Variants in MEGF10 observed in about 807,000 individuals in gnomAD.
The protein encoded by MEGF10 is multiple epidermal growth factor-like domains protein 10.
In MEGF10, 86 loss-of-function variants were observed where a neutral mutation model predicts 147.5. The ratio of observed to expected loss-of-function variants is 0.58; its 90% CI spans 0.49 to 0.70. The LOEUF is 0.70. Ranked by LOEUF, MEGF10 falls within the 30% of genes least tolerant of loss-of-function variation. The probability of loss-of-function intolerance (pLI) is 0.00; values close to 1 mark genes in which losing one functional copy is unlikely to be tolerated. For missense variants in MEGF10, 1,329 were observed against 1,487.3 expected (o/e 0.89, Z 1.75); for synonymous variants, 478 against 525.5 (o/e 0.91, Z 1.24).
the MEGF10 span, among the ~76,000 whole-genome samples, chr5:127,278,174 A>G: frequency 1.3e-5 from 2 of 152,212 alleles, no homozygotes; most frequent in Non-Finnish European, 2.9e-5. Flanking sequence ...AAACCAACAA[A>G]GGTAACACAG....
chr5:127,444,532 A>G (rs1371095679), intron 19 of MEGF10: 1 of 152,196 alleles, frequency 6.6e-6, no homozygotes, highest in African/African-American at 2.4e-5. Context: ...CTCTTTTCTC[A>G]TTTATAGATG....
At chr5:127,436,359 A>G (rs890271797) in intron 16 of MEGF10, among the ~76,000 whole-genome samples, 2 of 152,188 alleles carry the variant, frequency 1.3e-5, no homozygotes, top group African/African-American at 4.8e-5. Flanking sequence ...AATTTTTTCC[A>G]TAAGTAGTCC....
At chr5:127,384,271 T>C (rs1561609490) in intron 5 of MEGF10, among the ~76,000 whole-genome samples, 1 of 152,224 alleles carries the variant, frequency 6.6e-6, no homozygotes, top group Non-Finnish European at 1.5e-5. Flanking sequence ...AAGTGCTCAA[T>C]AAATAGAACT....
intron 1 of MEGF10, among the ~76,000 whole-genome samples, chr5:127,308,839 C>A (rs147394424): frequency 3.7e-4 from 56 of 151,352 alleles, no homozygotes; most frequent in Middle Eastern, 3.4e-3. Flanking sequence ...GTTGTGCACA[C>A]GTACCCTAAA....
chr5:127,362,289 T>C (rs971207506), intron 4 of MEGF10, among the ~76,000 whole-genome samples: 18 of 150,660 alleles, frequency 1.2e-4, no homozygotes, highest in Non-Finnish European at 1.8e-4. Context: ...CATTTGATAT[T>C]AATATAGCTA....
In MEGF10 at chr5:127,395,641, T is replaced by C. The variant is rs566314885; in HGVS notation, c.413-891T>C. Among the ~76,000 whole-genome samples the C allele has an allele frequency of 3.2e-4, 48 of 148,800 alleles. 3 individuals are homozygous for C. In the South Asian group the frequency reaches 0.01, roughly 32 times the overall value. On this transcript the variant is annotated intron_variant, in intron 5 of 24. Transcript: ENST00000503335. ...CTCACTGCCAGCTCCGCCTCCCGGG[T>C]TCACGCCATTCTCCTGCCTCAGCCT...
intron 5 of MEGF10, among the ~76,000 whole-genome samples, chr5:127,391,050 T>C (rs1763639846): frequency 6.6e-6 from 1 of 151,298 alleles, no homozygotes; most frequent in African/African-American, 2.4e-5. Context: ...TATGAACGGT[T>C]ATTGTCTTTA....
rs1179470008 is a variant in MEGF10 at position 127,455,603 on chromosome 5, A to C, written c.3228A>C (p.Glu1076Asp). 6.2e-7 allele frequency: 1 copy of C among 1,613,988 alleles called. No individual in the cohort carries two copies. The highest frequency in any genetic ancestry group is 2.2e-5 in the East Asian group (1 of 44,864). The change falls in exon 24 of 25, where the codon GAA becomes GAC. Residue 1076 changes from glutamate (E) to aspartate (D), a missense_variant. Transcript: ENST00000503335. ...CTTCAGCCAACAGGAATGTCTATGA[A>C]GTTGGTGAGTTCCCTTAACCATAGA... The part of the protein sequence containing the change: ...NSTSANRNVY[E>D]VEPTVSVVQG...
chr5:127,391,096 G>GCA (rs1413153325), intron 5 of MEGF10, among the ~76,000 whole-genome samples: 2 of 29,364 alleles, frequency 6.8e-5, no homozygotes, highest in African/African-American at 1.4e-4. Flanking sequence ...ATGCGCGCGC[G>GCA]CGCGCGCACA....
At chr5:127,264,875 T>C in the MEGF10 span, among the ~76,000 whole-genome samples, 1 of 152,148 alleles carries the variant, frequency 6.6e-6, no homozygotes, top group Non-Finnish European at 1.5e-5. Flanking sequence ...TAGGTAAACG[T>C]GTGCCATGGT....
intron 2 of MEGF10, among the ~76,000 whole-genome samples, chr5:127,333,270 C>T (rs771662745): frequency 4.6e-5 from 7 of 152,092 alleles, no homozygotes; most frequent in Non-Finnish European, 7.3e-5. Context: ...AATCCCAGCA[C>T]ATTGGGAGGC....
At chr5:127,342,591 T>G (rs1761727836) in intron 4 of MEGF10, among the ~76,000 whole-genome samples, 1 of 152,162 alleles carries the variant, frequency 6.6e-6, no homozygotes, top group African/African-American at 2.4e-5. Context: ...CAATGTTTCC[T>G]GGCATCAGCC....
chr5:127,303,229 G>T (rs908884139), intron 1 of MEGF10, among the ~76,000 whole-genome samples: 1 of 151,806 alleles, frequency 6.6e-6, no homozygotes, highest in Non-Finnish European at 1.5e-5. Flanking sequence ...CCAGCTACTC[G>T]GGAGGCTGAG....
intron 5 of MEGF10, among the ~76,000 whole-genome samples, chr5:127,373,969 T>C (rs184267816): frequency 9.2e-5 from 14 of 152,288 alleles, no homozygotes; most frequent in Admixed American, 7.2e-4. Context: ...TATAGGACTT[T>C]GGAAAAAACT....
At chr5:127,393,533 ATT>A (rs797006474) in intron 5 of MEGF10, among the ~76,000 whole-genome samples, 97 of 152,290 alleles carry the variant, frequency 6.4e-4, no homozygotes, top group African/African-American at 2.3e-3. Context: ...TCTTATACCT[ATT>A]TGTCTGTAAA....
At chr5:127,415,738 T>C (rs1764738087) in intron 9 of MEGF10, among the ~76,000 whole-genome samples, 1 of 151,758 alleles carries the variant, frequency 6.6e-6, no homozygotes, top group Non-Finnish European at 1.5e-5. Flanking sequence ...ATTCCATCTC[T>C]ACTAAAAATA....
rs988482084 is a variant in MEGF10 at position 127,435,628 on chromosome 5, T to G, written c.2104+139T>G. 5.5e-6 allele frequency: 5 copies of G among 902,874 alleles called. No homozygotes were observed. The African/African-American group carries it at 8.8e-5, about 16-fold the overall frequency. 55.9% of individuals were successfully genotyped at this position (902,874 alleles called of 1,614,324 possible). A position where few individuals can be genotyped will look rare whatever the true frequency, so the allele number is the denominator to read the frequency against. ...AAAAGACACATTCTACTTTAAATTC[T>G]TTTTTTAAAATTCTTTTTTTTTTTC... On this transcript the variant is annotated intron_variant, in intron 16 of 24. Coordinates refer to ENST00000503335, the MANE Select transcript of MEGF10 (RefSeq NM_001256545.2).
upstream of MEGF10, among the ~76,000 whole-genome samples, chr5:127,286,033 T>G (rs945526809): frequency 1.3e-5 from 2 of 152,090 alleles, no homozygotes; most frequent in Non-Finnish European, 2.9e-5. Flanking sequence ...TGGAGGACAT[T>G]AAGTGAAATA....
the MEGF10 span, among the ~76,000 whole-genome samples, chr5:127,248,658 C>A: frequency 6.6e-6 from 1 of 151,354 alleles, no homozygotes; most frequent in South Asian, 2.1e-4. Flanking sequence ...TGGAAGATAA[C>A]AAAATGGAAA....
Sources: allele counts gnomAD v4.1 joint callset (sites outside exome capture counted in the v4.1 genomes callset), GRCh38; gene constraint gnomAD v4.1.1; transcripts MANE v1.5; gene names NCBI Gene and HGNC (gene_info 2026-07-23, HGNC 2026-07-21).